The following RBFOX1 variants were observed in gnomAD, a reference collection of about 807,000 sequenced individuals.
The protein encoded by RBFOX1 is RNA binding fox-1 homolog 1, also known as RNA binding protein fox-1 homolog 1.
A neutral mutation model predicts 57.7 loss-of-function variants in RBFOX1; 8 were observed. That is an observed-to-expected ratio of 0.14 (90% CI 0.08 to 0.25). The LOEUF (loss-of-function observed/expected upper bound fraction) is 0.25. RBFOX1 is among the 10% of genes least tolerant of loss of function. The probability of loss-of-function intolerance (pLI) is 1.00; values close to 1 mark genes in which losing one functional copy is unlikely to be tolerated. For synonymous variants in RBFOX1, 326 were observed against 222.4 expected (o/e 1.47, Z -4.15); for missense variants, 611 against 548.5 (o/e 1.11, Z -1.14).
At chr16:7,459,569 GA>G (rs2059168079) in intron 4 of RBFOX1, among the ~76,000 whole-genome samples, 1 of 152,164 alleles carries the variant, frequency 6.6e-6, no homozygotes, top group Non-Finnish European at 1.5e-5. Context: ...CTGTTAATTG[GA>G]AAAGTTACAG....
At chr16:5,943,151 C>G (rs2059315209) in intron 4 of RBFOX1, among the ~76,000 whole-genome samples, 1 of 152,222 alleles carries the variant, frequency 6.6e-6, no homozygotes, top group Non-Finnish European at 1.5e-5. Context: ...CACAGCAGAT[C>G]AGCACCTCCA....
intron 14 of RBFOX1, among the ~76,000 whole-genome samples, chr16:7,688,010 C>T (rs1029546314): frequency 6.6e-6 from 1 of 151,962 alleles, no homozygotes; most frequent in African/African-American, 2.4e-5. Flanking sequence ...AAAAACAATC[C>T]TAGCTGAATA....
At chr16:5,309,425 G>A (rs1366546665) in intron 1 of RBFOX1, among the ~76,000 whole-genome samples, 1 of 152,154 alleles carries the variant, frequency 6.6e-6, no homozygotes, top group Non-Finnish European at 1.5e-5. Context: ...TAACACCAAA[G>A]TTGATTGATC....
chr16:5,674,347 C>G (rs1353496570), intron 3 of RBFOX1, among the ~76,000 whole-genome samples: 1 of 152,158 alleles, frequency 6.6e-6, no homozygotes. Flanking sequence ...TCTCCACTTT[C>G]CTCTACAATG....
At chr16:7,647,486 C>T (rs917622433) in intron 11 of RBFOX1, among the ~76,000 whole-genome samples, 3 of 151,802 alleles carry the variant, frequency 2.0e-5, no homozygotes, top group African/African-American at 4.8e-5. Flanking sequence ...AACCTGCGTC[C>T]TTTCCATTGT....
At chr16:7,505,933 C>A (rs1481023144) in intron 4 of RBFOX1, among the ~76,000 whole-genome samples, 2 of 151,996 alleles carry the variant, frequency 1.3e-5, no homozygotes, top group Non-Finnish European at 2.9e-5. Flanking sequence ...TGCCTGTAAT[C>A]CGAGCACTTT....
chr16:6,409,307 A>C (rs2093382827), intron 2 of RBFOX1, among the ~76,000 whole-genome samples: 4 of 152,072 alleles, frequency 2.6e-5, no homozygotes, highest in South Asian at 2.1e-4. Context: ...CCAGTTACTC[A>C]GGGGGCTGAG....
chr16:6,348,646 G>A (rs556822153), intron 2 of RBFOX1, among the ~76,000 whole-genome samples: 89 of 152,312 alleles, frequency 5.8e-4, no homozygotes, highest in African/African-American at 2.1e-3. Context: ...GGCAAAGCAG[G>A]AGGAGGCATC....
intron 4 of RBFOX1, among the ~76,000 whole-genome samples, chr16:7,182,269 T>C (rs1374907300): frequency 6.6e-6 from 1 of 152,132 alleles, no homozygotes; most frequent in African/African-American, 2.4e-5. Flanking sequence ...ACAGTGATGC[T>C]CCTCTATAGG....
At chr16:5,845,736 G>A (rs2056739862) in intron 3 of RBFOX1, among the ~76,000 whole-genome samples, 1 of 152,186 alleles carries the variant, frequency 6.6e-6, no homozygotes, top group Non-Finnish European at 1.5e-5. Context: ...ATAGGGTTCA[G>A]TGGCCACACG....
chr16:6,126,094 A>G (rs989262653), intron 1 of RBFOX1, among the ~76,000 whole-genome samples: 1 of 152,198 alleles, frequency 6.6e-6, no homozygotes, highest in Non-Finnish European at 1.5e-5. Context: ...CAGATTTCCA[A>G]TATGGTGTTT....
At chr16:7,333,093 T>A (rs1460026709) in intron 4 of RBFOX1, 2 of 1,612,766 alleles carry the variant, frequency 1.2e-6, no homozygotes, top group African/African-American at 2.7e-5. Context: ...ATTCAGGTAA[T>A]TCAAGGCCTC....
At position 5,418,395 on chromosome 16, in the gene RBFOX1, G is replaced by T. The variant is rs193177807; in HGVS notation, c.220-48821G>T. Among the ~76,000 whole-genome samples, 304 of 152,242 alleles carry T rather than the reference G, an allele frequency of 2.0e-3. 2 individuals are homozygous for T. The highest frequency in any genetic ancestry group is 7.2e-3 in the African/African-American group (298 of 41,538). On this transcript the variant is annotated intron_variant, in intron 1 of 2. Transcript: ENST00000585867. ...CACAGGGGAAATACGGAGGACCGGG[G>T]TGTTGTGTGAGGCATCAGGTCCGAC...
At chr16:6,180,352 T>C (rs2097053255) in intron 1 of RBFOX1, among the ~76,000 whole-genome samples, 1 of 151,952 alleles carries the variant, frequency 6.6e-6, no homozygotes, top group Non-Finnish European at 1.5e-5. Context: ...ATTTTGGTAG[T>C]TTGTGTCTTT....
intron 2 of RBFOX1, among the ~76,000 whole-genome samples, chr16:6,447,846 G>A (rs71392475): frequency 2.6e-5 from 4 of 152,124 alleles, no homozygotes; most frequent in African/African-American, 9.7e-5. Context: ...TAAGGAAGGG[G>A]AAAGACAGCC....
At chr16:7,494,910 A>T (rs1319138022) in intron 4 of RBFOX1, among the ~76,000 whole-genome samples, 2 of 142,102 alleles carry the variant, frequency 1.4e-5, no homozygotes, top group East Asian at 2.0e-4. Context: ...GGATTGTTAC[A>T]TGGGTATATT....
At chr16:7,292,416 T>G (rs1317613098) in intron 4 of RBFOX1, among the ~76,000 whole-genome samples, 2 of 142,054 alleles carry the variant, frequency 1.4e-5, no homozygotes, top group Non-Finnish European at 3.0e-5. Context: ...TATTATATTA[T>G]ATATATAAGG....
intron 4 of RBFOX1, among the ~76,000 whole-genome samples, chr16:7,446,949 A>G (rs1210081347): frequency 1.3e-5 from 2 of 151,348 alleles, no homozygotes; most frequent in African/African-American, 4.9e-5. Context: ...AGTAGCTGGG[A>G]CTACAGGTGC....
chr16:6,343,923 G>T (rs2084937401), intron 2 of RBFOX1, among the ~76,000 whole-genome samples: 1 of 152,158 alleles, frequency 6.6e-6, no homozygotes, highest in Non-Finnish European at 1.5e-5. Flanking sequence ...ATTGCTTGAG[G>T]TTTTCACGAG....
Sources: gnomAD v4.1 joint callset for allele counts (sites outside exome capture counted in the v4.1 genomes callset) on GRCh38, gnomAD v4.1.1 for gene constraint, MANE v1.5 for transcripts, NCBI Gene and HGNC (gene_info 2026-07-23, HGNC 2026-07-21) for gene names.